MAP2K6: variants seen among roughly 807,000 people sequenced by gnomAD.
MAP2K6 encodes the protein mitogen-activated protein kinase kinase 6.
In MAP2K6, 16 loss-of-function variants were observed where a neutral mutation model predicts 53.7. That is an observed-to-expected ratio of 0.30 (90% CI 0.20 to 0.45). The LOEUF (loss-of-function observed/expected upper bound fraction) is 0.45, where lower values mean the gene tolerates loss of function less well. Among genes scored for constraint, MAP2K6 ranks in the 20% least tolerant of loss-of-function variants. The pLI is 1.00. For missense variants in MAP2K6, 204 were observed against 411.9 expected, an observed-to-expected ratio of 0.50 and a Z score of 4.37; for synonymous variants, 132 against 143.1, an observed-to-expected ratio of 0.92 and a Z score of 0.55.
At chr17:69,422,380 C>T (rs746503533) in intron 1 of MAP2K6, among the ~76,000 whole-genome samples, 9 of 152,152 alleles carry the variant, frequency 5.9e-5, no homozygotes, top group Non-Finnish European at 1.2e-4. Flanking sequence ...GATCCACCCA[C>T]CTCGGCCTCC....
chr17:69,495,335 A>G (rs1362986436), intron 1 of MAP2K6, among the ~76,000 whole-genome samples: 1 of 151,780 alleles, frequency 6.6e-6, no homozygotes, highest in Non-Finnish European at 1.5e-5. Context: ...TTCCAGGTTC[A>G]AGTGATTCCC....
intron 10 of MAP2K6, among the ~76,000 whole-genome samples, chr17:69,528,109 CAA>C (rs71357724): frequency 2.6e-5 from 2 of 75,696 alleles, no homozygotes; most frequent in Non-Finnish European, 2.4e-5. Flanking sequence ...AACTTCGTCT[CAA>C]AAAAAAAAAA....
chr17:69,519,298 T>C lies in MAP2K6; in HGVS notation c.247-15T>C, dbSNP rs1910343746. On this transcript the variant is annotated splice_polypyrimidine_tract_variant and intron_variant, in intron 4 of 11. Transcript: ENST00000590474. ...CAGAGTAGTAACCATAAATTTTCCATGCATTTCCATTCAGCGGATCCGAGC... is the reference window on the plus strand; with the variant it reads ...CAGAGTAGTAACCATAAATTTTCCACGCATTTCCATTCAGCGGATCCGAGC... 2 of 1,611,664 alleles carry C rather than the reference T, an allele frequency of 1.2e-6. No homozygotes were observed. The highest frequency in any genetic ancestry group is 1.7e-4 in the Middle Eastern group (1 of 6,042).
At chr17:69,502,931 A>C (rs1227472778) in intron 1 of MAP2K6, among the ~76,000 whole-genome samples, 1 of 152,172 alleles carries the variant, frequency 6.6e-6, no homozygotes. Flanking sequence ...TACTTGCTAT[A>C]TTAAAGTTTT....
In MAP2K6 at chr17:69,547,075, T is replaced by G. The variant is rs73371387; in HGVS notation, c.*5322T>G. The stretch of plus-strand genomic sequence containing the variant: ...CTGACAGCTAAAGATGCTCTTTGGG[T>G]TTTTTTTTTGGCTTTAATTTGGGTA... On this transcript the variant is annotated 3_prime_UTR_variant, in exon 12 of 12. Transcript: ENST00000590474. 0.22 allele frequency: 32,603 copies of G among 148,468 alleles called. 4,229 individuals carry two copies. The highest frequency in any genetic ancestry group is 0.37 in the African/African-American group (15,079 of 40,752). The allele number at this position is 148,468 out of a possible 1,614,324, so 9.2% of individuals were successfully genotyped here. A position where few individuals can be genotyped will look rare whatever the true frequency, so the allele number is the denominator to read the frequency against.
At chr17:69,537,625 A>G (rs565838647) in intron 11 of MAP2K6, among the ~76,000 whole-genome samples, 9 of 152,346 alleles carry the variant, frequency 5.9e-5, no homozygotes, top group Admixed American at 2.6e-4. Context: ...CCAATCACAT[A>G]GGTTTTCACT....
At chr17:69,440,990 A>ATG (rs536825559) in intron 1 of MAP2K6, among the ~76,000 whole-genome samples, 69 of 151,384 alleles carry the variant, frequency 4.6e-4, no homozygotes, top group Middle Eastern at 3.4e-3. Flanking sequence ...GTGTGTATAT[A>ATG]TGTGTGTGTG....
At chr17:69,485,472 TGTTAGA>T (rs1359764960) in intron 1 of MAP2K6, 1 of 983,446 alleles carries the variant, frequency 1.0e-6, no homozygotes, top group Admixed American at 6.2e-5. Flanking sequence ...GCTTATACAC[TGTTAGA>T]GTACTGGGTA....
rs1911737607 is a variant in MAP2K6 at position 69,543,364 on chromosome 17, T to C, written c.*1611T>C. 1 of 152,204 alleles carries C rather than the reference T, an allele frequency of 6.6e-6. No homozygotes were observed. Among genetic ancestry groups the C allele is most frequent in the Middle Eastern group, 3.1e-3 (1 of 318 alleles). 9.4% of individuals were successfully genotyped at this position (152,204 alleles called of 1,614,324 possible). A position where few individuals can be genotyped will look rare whatever the true frequency, so the allele number is the denominator to read the frequency against. On this transcript the variant is annotated 3_prime_UTR_variant, in exon 12 of 12. Coordinates refer to ENST00000590474, the MANE Select transcript of MAP2K6 (RefSeq NM_002758.4). ...GTGCAATCATATGTTTTTCTCTGTT[T>C]GCATTTTTTCCTCCTTGTTCTTGAC...
At chr17:69,533,111 T>G (rs1047505189) in intron 10 of MAP2K6, among the ~76,000 whole-genome samples, 4 of 152,066 alleles carry the variant, frequency 2.6e-5, no homozygotes, top group Non-Finnish European at 5.9e-5. Flanking sequence ...GTATTTTTAG[T>G]AGAGTCGGGG....
intron 1 of MAP2K6, among the ~76,000 whole-genome samples, chr17:69,455,658 G>A (rs1320587717): frequency 6.6e-6 from 1 of 152,090 alleles, no homozygotes; most frequent in Admixed American, 6.5e-5. Flanking sequence ...CAGTGAGATG[G>A]TGAGTATTTG....
intron 1 of MAP2K6, among the ~76,000 whole-genome samples, chr17:69,452,297 G>A (rs571391765): frequency 6.6e-6 from 1 of 151,972 alleles, no homozygotes; most frequent in East Asian, 1.9e-4. Context: ...CAAAATGTCA[G>A]TAGTACTGAA....
intron 2 of MAP2K6, among the ~76,000 whole-genome samples, chr17:69,509,110 A>G (rs1308857921): frequency 2.0e-5 from 3 of 152,116 alleles, no homozygotes; most frequent in Non-Finnish European, 2.9e-5. Context: ...CTTTTCATAT[A>G]AGTTTTAGAA....
rs1427195708 is a variant in MAP2K6, at chr17:69,544,655, A to G, written c.*2902A>G. On this transcript the variant is annotated 3_prime_UTR_variant, in exon 12 of 12. Coordinates refer to ENST00000590474, the MANE Select transcript of MAP2K6 (RefSeq NM_002758.4). ...TTGATTTTGTATCATATAATTGTCC[A>G]TGTTATAATTTTTGAAAATGTTTAT... 6.6e-6 allele frequency: 1 copy of G among 152,168 alleles called. No individual in the cohort carries two copies. The highest frequency in any genetic ancestry group is 2.4e-5 in the African/African-American group (1 of 41,446). The allele number at this position is 152,168 out of a possible 1,614,324, so 9.4% of individuals were successfully genotyped here.
At chr17:69,457,728 C>T (rs1907462437) in intron 1 of MAP2K6, among the ~76,000 whole-genome samples, 2 of 152,282 alleles carry the variant, frequency 1.3e-5, no homozygotes, top group South Asian at 4.1e-4. Flanking sequence ...TTGCTTGAGC[C>T]CAGGAGATAG....
intron 10 of MAP2K6, among the ~76,000 whole-genome samples, chr17:69,528,374 A>C (rs1910894560): frequency 6.6e-6 from 1 of 152,064 alleles, no homozygotes; most frequent in Non-Finnish European, 1.5e-5. Flanking sequence ...CTTAAAAGAT[A>C]TATCTTCTAG....
At chr17:69,528,859 C>CAAAA (rs58897757) in intron 10 of MAP2K6, among the ~76,000 whole-genome samples, 8 of 59,094 alleles carry the variant, frequency 1.4e-4, no homozygotes, top group South Asian at 9.4e-4. Context: ...GACGCCATCT[C>CAAAA]AAAAAAAAAA....
chr17:69,519,708 A>T, intron 5 of MAP2K6: 1 of 381,988 alleles, frequency 2.6e-6, no homozygotes, highest in East Asian at 6.1e-5. Flanking sequence ...TATCGCCTAT[A>T]GACTGATTTG....
intron 8 of MAP2K6, among the ~76,000 whole-genome samples, chr17:69,524,298 T>G (rs1489296221): frequency 6.6e-6 from 1 of 152,016 alleles, no homozygotes; most frequent in African/African-American, 2.4e-5. Flanking sequence ...AGTATTACCT[T>G]GTTTGTTGAG....
Sources: gnomAD v4.1 joint callset for allele counts (sites outside exome capture counted in the v4.1 genomes callset) on GRCh38, gnomAD v4.1.1 for gene constraint, MANE v1.5 for transcripts, NCBI Gene and HGNC (gene_info 2026-07-23, HGNC 2026-07-21) for gene names.